PGCKA1: variants seen among roughly 807,000 people sequenced by gnomAD.
PGCKA1 encodes the protein PDCD10 and GCKIII kinases-associated protein 1.
chr4:37,509,635 G>C, the PGCKA1 span, among the ~76,000 whole-genome samples: 2 of 151,260 alleles, frequency 1.3e-5, no homozygotes, highest in Non-Finnish European at 3.0e-5. Flanking sequence ...AGGTTGTAGC[G>C]AGCCGAGATC....
At chr4:37,591,134 T>G in the PGCKA1 span, 1 of 696,498 alleles carries the variant, frequency 1.4e-6, no homozygotes, top group Non-Finnish European at 2.4e-6. Context: ...ATCCAGCATC[T>G]GTTCTGATTG....
At chr4:37,478,592 C>G in the PGCKA1 span, among the ~76,000 whole-genome samples, 1 of 152,172 alleles carries the variant, frequency 6.6e-6, no homozygotes, top group Admixed American at 6.5e-5. Context: ...ACTCTTTACG[C>G]TTCTGTTTGT....
At chr4:37,548,961 G>A in the PGCKA1 span, among the ~76,000 whole-genome samples, 3 of 152,164 alleles carry the variant, frequency 2.0e-5, no homozygotes, top group Non-Finnish European at 2.9e-5. Context: ...TCCTCCAGTC[G>A]ACCAGGCATG....
At chr4:37,456,684 G>A in the PGCKA1 span, among the ~76,000 whole-genome samples, 885 of 152,266 alleles carry the variant, frequency 5.8e-3, 4 homozygotes, top group African/African-American at 0.02. Context: ...CCAGAGAGTC[G>A]ATGAGTTTCT....
chr4:37,578,668 CT>C, the PGCKA1 span, among the ~76,000 whole-genome samples: 1 of 152,066 alleles, frequency 6.6e-6, no homozygotes, highest in African/African-American at 2.4e-5. Flanking sequence ...GTGATATTCT[CT>C]GGTGATATAA....
chr4:37,542,708 C>T, the PGCKA1 span, among the ~76,000 whole-genome samples: 2 of 152,114 alleles, frequency 1.3e-5, no homozygotes, highest in Non-Finnish European at 2.9e-5. Flanking sequence ...TTTAGGTAGC[C>T]ATATGTCGTT....
chr4:37,568,288 G>A, the PGCKA1 span, among the ~76,000 whole-genome samples: 3 of 152,184 alleles, frequency 2.0e-5, no homozygotes, highest in African/African-American at 7.2e-5. Flanking sequence ...TGGCTCCTGG[G>A]AACTTATTTT....
At chr4:37,546,468 A>G in the PGCKA1 span, among the ~76,000 whole-genome samples, 1 of 152,230 alleles carries the variant, frequency 6.6e-6, no homozygotes, top group Admixed American at 6.5e-5. Flanking sequence ...AACACCTGTC[A>G]CATGTCCCCT....
chr4:37,496,419 A>G, the PGCKA1 span, among the ~76,000 whole-genome samples: 4 of 151,984 alleles, frequency 2.6e-5, no homozygotes, highest in East Asian at 7.7e-4. Flanking sequence ...TTGTAGGTGG[A>G]TGGCCTTATT....
chr4:37,580,947 CA>C, the PGCKA1 span, among the ~76,000 whole-genome samples: 2 of 152,240 alleles, frequency 1.3e-5, no homozygotes, highest in African/African-American at 4.8e-5. Flanking sequence ...TCACTCAAAC[CA>C]TAAGACAAGG....
At chr4:37,551,052 T>C in the PGCKA1 span, among the ~76,000 whole-genome samples, 29,644 of 151,974 alleles carry the variant, frequency 0.2, 3,241 homozygotes, top group East Asian at 0.43. Context: ...TCCAGTTACA[T>C]AGACAGAGAT....
the PGCKA1 span, among the ~76,000 whole-genome samples, chr4:37,513,007 G>T: frequency 1.3e-5 from 2 of 151,418 alleles, no homozygotes; most frequent in Non-Finnish European, 2.9e-5. Context: ...AGAATCGCTT[G>T]AACCTGGGAG....
the PGCKA1 span, among the ~76,000 whole-genome samples, chr4:37,495,048 C>A: frequency 0.063 from 9,517 of 150,922 alleles, 364 homozygotes; most frequent in Non-Finnish European, 0.086. Flanking sequence ...AAAAAAAAAA[C>A]CCCATCAAAA....
At chr4:37,547,755 A>G in the PGCKA1 span, among the ~76,000 whole-genome samples, 2 of 152,194 alleles carry the variant, frequency 1.3e-5, no homozygotes, top group Non-Finnish European at 2.9e-5. Context: ...AGAGGCAAGG[A>G]AAGACCAGCA....
At chr4:37,511,912 C>T in the PGCKA1 span, among the ~76,000 whole-genome samples, 2 of 152,240 alleles carry the variant, frequency 1.3e-5, no homozygotes, top group African/African-American at 4.8e-5. Context: ...AAGTTCTGAC[C>T]ACTGGGATGC....
chr4:37,512,458 T>TTC, the PGCKA1 span, among the ~76,000 whole-genome samples: 1 of 148,702 alleles, frequency 6.7e-6, no homozygotes. Flanking sequence ...TGATTTCTTT[T>TTC]TTTTTTTTTT....
the PGCKA1 span, among the ~76,000 whole-genome samples, chr4:37,531,224 T>A: frequency 2.0e-5 from 3 of 152,172 alleles, no homozygotes; most frequent in African/African-American, 7.2e-5. Flanking sequence ...TCTACATCCT[T>A]CCTTCTCAGG....
At chr4:37,464,960 A>G in the PGCKA1 span, among the ~76,000 whole-genome samples, 2 of 152,248 alleles carry the variant, frequency 1.3e-5, no homozygotes, top group African/African-American at 4.8e-5. Flanking sequence ...AAATGATCAC[A>G]GTATAAGTAG....
At chr4:37,564,303 A>C in the PGCKA1 span, among the ~76,000 whole-genome samples, 5 of 138,992 alleles carry the variant, frequency 3.6e-5, no homozygotes, top group East Asian at 5.3e-4. Context: ...AAGAAAAAAA[A>C]CCGAATATTC....
Sources: gnomAD v4.1 joint callset for allele counts (sites outside exome capture counted in the v4.1 genomes callset) on GRCh38, gnomAD v4.1.1 for gene constraint, MANE v1.5 for transcripts, NCBI Gene and HGNC (gene_info 2026-07-23, HGNC 2026-07-21) for gene names.